The following SNTG1 variants were observed in gnomAD, a reference collection of about 807,000 sequenced individuals.
The protein encoded by SNTG1 is gamma-1-syntrophin.
SNTG1 carries 39 observed loss-of-function variants against 74.7 expected under a neutral mutation model. That is an observed-to-expected ratio of 0.52 (90% confidence interval 0.40 to 0.68). The LOEUF is 0.68. Ranked by LOEUF, SNTG1 falls within the 30% of genes least tolerant of loss-of-function variation. The probability of loss-of-function intolerance (pLI) is 0.00; values close to 1 mark genes in which losing one functional copy is unlikely to be tolerated. For missense variants in SNTG1, 685 were observed against 609.5 expected, an observed-to-expected ratio of 1.12 and a Z score of -1.30; for synonymous variants, 254 against 217.1, an observed-to-expected ratio of 1.17 and a Z score of -1.49.
chr8:50,047,158 G>T (rs1235847948), intron 1 of SNTG1, among the ~76,000 whole-genome samples: 1 of 151,942 alleles, frequency 6.6e-6, no homozygotes, highest in Non-Finnish European at 1.5e-5. Context: ...GGACAACATG[G>T]TAAAACCCCA....
In SNTG1 at chr8:50,748,171, C is replaced by G. The variant is rs1017529771; in HGVS notation, c.1285-3830C>G. Among the ~76,000 whole-genome samples, 3 of 151,944 alleles carry G rather than the reference C, an allele frequency of 2.0e-5. 1 individual carries two copies. The highest frequency in any genetic ancestry group is 7.2e-5 in the African/African-American group (3 of 41,472). ...AATATCTAAGCTGAAAATATTACCA[C>G]GAGGAAAAGTTATGCATATGAATAT... is the stretch of plus-strand genomic sequence containing the variant. On this transcript the variant is annotated intron_variant, in intron 17 of 18. Coordinates refer to ENST00000642720, the MANE Select transcript of SNTG1 (RefSeq NM_018967.5).
chr8:50,405,445 C>G (rs907411011), intron 4 of SNTG1, among the ~76,000 whole-genome samples: 2 of 152,008 alleles, frequency 1.3e-5, no homozygotes, highest in African/African-American at 4.8e-5. Context: ...ACTTGTGCGT[C>G]CTCTTTGGGT....
At chr8:49,993,639 T>C (rs1813901866) in intron 1 of SNTG1, among the ~76,000 whole-genome samples, 1 of 152,184 alleles carries the variant, frequency 6.6e-6, no homozygotes, top group African/African-American at 2.4e-5. Flanking sequence ...CTCCCACTTA[T>C]GAGTGAGAAC....
At chr8:50,333,076 A>G (rs1290707905) in intron 2 of SNTG1, among the ~76,000 whole-genome samples, 1 of 152,230 alleles carries the variant, frequency 6.6e-6, no homozygotes, top group African/African-American at 2.4e-5. Context: ...CAAATAAAAA[A>G]CTTTTAAAAA....
intron 15 of SNTG1, among the ~76,000 whole-genome samples, chr8:50,686,839 A>G (rs936211693): frequency 6.6e-6 from 1 of 152,196 alleles, no homozygotes; most frequent in Admixed American, 6.5e-5. Flanking sequence ...TGACCTGCAC[A>G]AAATAAACAT....
chr8:50,749,463 A>G (rs1310099747), intron 17 of SNTG1, among the ~76,000 whole-genome samples: 1 of 152,030 alleles, frequency 6.6e-6, no homozygotes, highest in African/African-American at 2.4e-5. Flanking sequence ...AGGTGGCTAC[A>G]CTAAACAACA....
intron 1 of SNTG1, among the ~76,000 whole-genome samples, chr8:49,964,254 TG>T (rs1810947996): frequency 6.6e-6 from 1 of 152,238 alleles, no homozygotes; most frequent in African/African-American, 2.4e-5. Flanking sequence ...AGGATAAGAC[TG>T]GCTCCCCACA....
chr8:50,630,081 TA>T (rs1230849831), intron 13 of SNTG1, among the ~76,000 whole-genome samples: 1 of 152,152 alleles, frequency 6.6e-6, no homozygotes, highest in Non-Finnish European at 1.5e-5. Flanking sequence ...ATGTTGTTGG[TA>T]AAAAATTACA....
intron 17 of SNTG1, among the ~76,000 whole-genome samples, chr8:50,751,181 A>G (rs1027384019): frequency 6.6e-6 from 1 of 152,096 alleles, no homozygotes; most frequent in African/African-American, 2.4e-5. Context: ...AAGGTAAAAC[A>G]AACTACATGG....
intron 15 of SNTG1, among the ~76,000 whole-genome samples, chr8:50,687,067 G>A (rs1436539851): frequency 2.1e-4 from 31 of 151,016 alleles, no homozygotes; most frequent in African/African-American, 4.1e-4. Flanking sequence ...CCCGGGAAGC[G>A]GAGCTTGCAG....
intron 8 of SNTG1, among the ~76,000 whole-genome samples, chr8:50,487,863 A>G (rs1017074998): frequency 2.3e-4 from 35 of 152,232 alleles, no homozygotes; most frequent in African/African-American, 8.2e-4. Flanking sequence ...AAAAAAAAGA[A>G]GTCTCTAGAA....
At chr8:50,687,424 C>G (rs558833715) in intron 15 of SNTG1, among the ~76,000 whole-genome samples, 1 of 152,188 alleles carries the variant, frequency 6.6e-6, no homozygotes, top group East Asian at 1.9e-4. Context: ...TAAGGACACA[C>G]ATGGAAGAAA....
chr8:50,678,109 G>GA (rs1035912248), intron 15 of SNTG1, among the ~76,000 whole-genome samples: 8 of 149,674 alleles, frequency 5.3e-5, no homozygotes, highest in African/African-American at 1.7e-4. Context: ...GTAAAATTTA[G>GA]AAAAAAAGAA....
chr8:50,334,055 C>G (rs544321900), intron 2 of SNTG1, among the ~76,000 whole-genome samples: 150 of 152,298 alleles, frequency 9.8e-4, no homozygotes, highest in African/African-American at 3.6e-3. Flanking sequence ...CATCATCACG[C>G]CTGGCTAATT....
intron 1 of SNTG1, among the ~76,000 whole-genome samples, chr8:50,020,545 T>C (rs986306705): frequency 6.6e-6 from 1 of 152,182 alleles, no homozygotes; most frequent in African/African-American, 2.4e-5. Flanking sequence ...GTAAAATATT[T>C]TCTTCTTATA....
chr8:49,945,716 G>A (rs1809118880), intron 1 of SNTG1, among the ~76,000 whole-genome samples: 1 of 152,120 alleles, frequency 6.6e-6, no homozygotes, highest in South Asian at 2.1e-4. Flanking sequence ...AGCATGACAG[G>A]CAAGCCTCAG....
chr8:50,561,833 C>G (rs2094490127), intron 12 of SNTG1, among the ~76,000 whole-genome samples: 1 of 152,146 alleles, frequency 6.6e-6, no homozygotes, highest in Admixed American at 6.5e-5. Context: ...TCCCATTGAA[C>G]TATTCATTCA....
intron 13 of SNTG1, among the ~76,000 whole-genome samples, chr8:50,654,896 A>G (rs934105845): frequency 6.6e-6 from 1 of 152,174 alleles, no homozygotes; most frequent in Admixed American, 6.5e-5. Flanking sequence ...AAAGCAGAGC[A>G]TGTTTACTAA....
At chr8:50,294,121 A>G (rs1343709141) in intron 2 of SNTG1, among the ~76,000 whole-genome samples, 1 of 152,116 alleles carries the variant, frequency 6.6e-6, no homozygotes, top group Admixed American at 6.5e-5. Flanking sequence ...TGTAGAAAAT[A>G]ATAAAATAAA....
Sources: allele counts gnomAD v4.1 joint callset (sites outside exome capture counted in the v4.1 genomes callset), GRCh38; gene constraint gnomAD v4.1.1; transcripts MANE v1.5; gene names NCBI Gene and HGNC (gene_info 2026-07-23, HGNC 2026-07-21).